Variants in HEATR5A observed in about 807,000 individuals in gnomAD.
The protein encoded by HEATR5A is HEAT repeat containing 5A, also known as HEAT repeat-containing protein 5A.
HEATR5A carries 178 observed loss-of-function variants against 218.8 expected under a neutral mutation model. That is an observed-to-expected ratio of 0.81 (90% CI 0.72 to 0.92). The LOEUF is 0.92. Ranked by LOEUF, HEATR5A falls within the 40% of genes least tolerant of loss-of-function variation. The probability of loss-of-function intolerance (pLI) is 0.00; values close to 1 mark genes in which losing one functional copy is unlikely to be tolerated. For synonymous variants in HEATR5A, 864 were observed against 871.6 expected (o/e 0.99, Z 0.15); for missense variants, 2,420 against 2,418.9 (o/e 1.00, Z -0.01).
chr14:31,406,977 CAAAAAAAAAAA>C (rs58202101), intron 1 of HEATR5A, among the ~76,000 whole-genome samples: 1 of 74,630 alleles, frequency 1.3e-5, no homozygotes, highest in Admixed American at 1.9e-4. Context: ...ACCTCTGTCT[CAAAAAAAAAAA>C]AAAAAAAAGC....
intron 16 of HEATR5A, among the ~76,000 whole-genome samples, chr14:31,356,582 T>G (rs1207720734): frequency 6.6e-6 from 1 of 152,152 alleles, no homozygotes; most frequent in Admixed American, 6.6e-5. Flanking sequence ...TGTTCCAAAT[T>G]TGTTAGAATC....
intron 12 of HEATR5A, 123 bp from the exon 13 acceptor site, chr14:31,372,032 T>C (rs1205039032): frequency 3.9e-6 from 2 of 517,964 alleles, no homozygotes; most frequent in Non-Finnish European, 6.9e-6. Flanking sequence ...AATAAAAAAA[T>C]TCTTGAAACT....
chr14:31,379,145 G>A lies in HEATR5A; in HGVS notation c.1708+1322C>T, dbSNP rs1261672954. Among the ~76,000 whole-genome samples the A allele has an allele frequency of 4.0e-5, 6 of 151,208 alleles. No individual in the cohort carries two copies. The East Asian group carries it at 7.9e-4, about 20-fold the overall frequency. On this transcript the variant is annotated intron_variant, in intron 11 of 35. Coordinates refer to ENST00000543095, the MANE Select transcript of HEATR5A (RefSeq NM_015473.4). The stretch of plus-strand genomic sequence containing the variant: ...TTTTTAGTAGAAGCAAGATTTCACC[G>A]TGTTGTTGGCCAGGCTGGTCTTGAA...
At chr14:31,322,084 A>G (rs1478078297) in intron 24 of HEATR5A, among the ~76,000 whole-genome samples, 1 of 152,242 alleles carries the variant, frequency 6.6e-6, no homozygotes, top group East Asian at 1.9e-4. Context: ...TCCTTTAAAA[A>G]AAAGTTTTAT....
chr14:31,320,977 T>C (rs998488796), intron 25 of HEATR5A, among the ~76,000 whole-genome samples: 1 of 152,150 alleles, frequency 6.6e-6, no homozygotes, highest in African/African-American at 2.4e-5. Context: ...TTTCTATATA[T>C]GGAATATACT....
chr14:31,398,171 A>G (rs1008429760), intron 4 of HEATR5A, among the ~76,000 whole-genome samples: 2 of 152,144 alleles, frequency 1.3e-5, no homozygotes, highest in Non-Finnish European at 2.9e-5. Context: ...CAATGAGGAT[A>G]AAGTTGAAAA....
In HEATR5A at chr14:31,293,122, A is replaced by G. The variant is rs11850386; in HGVS notation, c.*183T>C. 4,526 of 471,058 alleles carry G rather than the reference A, an allele frequency of 9.6e-3. 161 individuals are homozygous for G. The highest frequency in any genetic ancestry group is 0.08 in the African/African-American group (4,012 of 50,050). The allele number at this position is 471,058 out of a possible 1,614,324, so 29.2% of individuals were successfully genotyped here. ...ATAGAAAAACAAAACAAAACAAAAC[A>G]CAAACCCCACGCACACACACAAAAA... On this transcript the variant is annotated 3_prime_UTR_variant, in exon 36 of 36. Coordinates refer to ENST00000543095, the MANE Select transcript of HEATR5A (RefSeq NM_015473.4).
At chr14:31,393,307 C>T (rs1360201215) in intron 6 of HEATR5A, among the ~76,000 whole-genome samples, 10 of 152,140 alleles carry the variant, frequency 6.6e-5, no homozygotes, top group Admixed American at 3.3e-4. Flanking sequence ...CTCAGGAGTT[C>T]GAGACCAGCA....
At chr14:31,331,078 G>A (rs1242592804) in intron 22 of HEATR5A, among the ~76,000 whole-genome samples, 2 of 150,976 alleles carry the variant, frequency 1.3e-5, no homozygotes, top group African/African-American at 4.9e-5. Flanking sequence ...AGTAGCTGGG[G>A]TTACAGGTGC....
intron 21 of HEATR5A, among the ~76,000 whole-genome samples, chr14:31,341,147 G>T (rs1900825163): frequency 6.6e-6 from 1 of 152,008 alleles, no homozygotes; most frequent in Non-Finnish European, 1.5e-5. Context: ...GATAATTTTT[G>T]ACTATGATTG....
chr14:31,413,629 A>G (rs914162591), intron 1 of HEATR5A, among the ~76,000 whole-genome samples: 2 of 152,198 alleles, frequency 1.3e-5, no homozygotes, highest in African/African-American at 4.8e-5. Flanking sequence ...AGTGACAGAA[A>G]AATGATTATT....
intron 21 of HEATR5A, chr14:31,340,528 T>A (rs1453706958): frequency 5.2e-6 from 6 of 1,146,878 alleles, no homozygotes. Flanking sequence ...AAGATAAATA[T>A]TAGGATGACT....
intron 4 of HEATR5A, among the ~76,000 whole-genome samples, chr14:31,396,499 G>T (rs1440144746): frequency 6.6e-6 from 1 of 152,166 alleles, no homozygotes; most frequent in African/African-American, 2.4e-5. Context: ...TTTACTAAAT[G>T]CCTCAAATCA....
intron 7 of HEATR5A, among the ~76,000 whole-genome samples, chr14:31,388,432 T>C (rs564832315): frequency 1.2e-3 from 176 of 152,352 alleles, no homozygotes; most frequent in Non-Finnish European, 2.2e-3. Context: ...GTAAACTACA[T>C]GCTGTACTCC....
At chr14:31,410,005 T>G (rs1445441169) in intron 1 of HEATR5A, among the ~76,000 whole-genome samples, 1 of 152,078 alleles carries the variant, frequency 6.6e-6, no homozygotes, top group African/African-American at 2.4e-5. Context: ...AAGGGAAAAA[T>G]CACAAATAAT....
Position 31,313,151 on chromosome 14 carries a change from G to T in HEATR5A, c.4258C>A (p.Gln1420Lys). ...IAVQRHKNHR[Q>K]PLKTTTCLED... ...AAACAGGTGGTAGTCTTCAAAGGTT[G>T]TCTGTGGTTTTTATGTCTTTGCACA... The change falls in exon 28 of 36, where the codon CAA becomes AAA. Residue 1420 changes from glutamine to lysine, a missense_variant. Coordinates refer to ENST00000543095, the MANE Select transcript of HEATR5A (RefSeq NM_015473.4). 6.2e-7 allele frequency: 1 copy of T among 1,613,820 alleles called. No homozygotes were observed. Among genetic ancestry groups the T allele is most frequent in the Non-Finnish European group, 8.5e-7 (1 of 1,179,750 alleles).
chr14:31,391,131 A>G (rs2030437160), intron 6 of HEATR5A, among the ~76,000 whole-genome samples: 1 of 152,210 alleles, frequency 6.6e-6, no homozygotes. Context: ...ATTTTTGTAG[A>G]GCTGTACAAT....
chr14:31,330,494 G>A (rs1169206588), intron 22 of HEATR5A, among the ~76,000 whole-genome samples: 1 of 152,020 alleles, frequency 6.6e-6, no homozygotes, highest in African/African-American at 2.4e-5. Flanking sequence ...TTGGCAAAAA[G>A]ATTAACATTC....
At chr14:31,325,414 T>A (rs1427428614) in intron 23 of HEATR5A, among the ~76,000 whole-genome samples, 1 of 152,116 alleles carries the variant, frequency 6.6e-6, no homozygotes, top group Non-Finnish European at 1.5e-5. Context: ...GTCATAACTT[T>A]GTATAACTTT....
Sources: gnomAD v4.1 joint callset for allele counts (sites outside exome capture counted in the v4.1 genomes callset) on GRCh38, gnomAD v4.1.1 for gene constraint, MANE v1.5 for transcripts, NCBI Gene and HGNC (gene_info 2026-07-23, HGNC 2026-07-21) for gene names.